Variants in SCML1 observed in about 807,000 individuals in gnomAD.
The protein encoded by SCML1 is sex comb on midleg-like protein 1.
For synonymous variants in SCML1, 104 were observed against 103.6 expected (o/e 1.00, Z -0.02); for missense variants, 137 against 258.1 (o/e 0.53, Z 3.22).
chrX:17,749,677 T>C, intron 5 of SCML1, 173 bp downstream of exon 5: 3 of 499,473 alleles, frequency 6.0e-6, no homozygotes, highest in Non-Finnish European at 9.8e-6. Context: ...AAGTTTAGGT[T>C]TGATAATTTA....
rs1407557624 is a variant in SCML1, at chrX:17,754,276, T to G, written c.*884T>G. 1 of 112,349 alleles carries G rather than the reference T, an allele frequency of 8.9e-6. No homozygotes were observed. Among genetic ancestry groups the G allele is most frequent in the African/African-American group, 3.2e-5 (1 of 30,990 alleles). The allele number at this position is 112,349 out of a possible 1,213,427, so 9.3% of individuals were successfully genotyped here. ...TTATATTTTATTCTCACCCGAAGTA[T>G]TCACACAATCTTTTTAAAAAAAATT... On this transcript the variant is annotated 3_prime_UTR_variant, in exon 8 of 8. Coordinates refer to ENST00000380041, the MANE Select transcript of SCML1 (RefSeq NM_001037540.3).
chrX:17,743,092 A>C (rs891532097), intron 1 of SCML1, among the ~76,000 whole-genome samples: 2 of 112,250 alleles, frequency 1.8e-5, no homozygotes, highest in African/African-American at 6.5e-5. Context: ...AAACTCAAAT[A>C]GTTTAAAAAG....
Position 17,753,566 on chromosome X carries a change from A to T in SCML1, c.*174A>T. The T allele has an allele frequency of 3.4e-6, 1 of 298,344 alleles. No individual in the cohort carries two copies. 24.6% of individuals were successfully genotyped at this position (298,344 alleles called of 1,213,427 possible). ...TATAGTCCAGTCTACTTCTTTAAAA[A>T]CCATTTAAACTGCTAGATAGTATTA... On this transcript the variant is annotated 3_prime_UTR_variant, in exon 8 of 8. Transcript: ENST00000380041.
chrX:17,753,569 A>G lies in SCML1; in HGVS notation c.*177A>G, dbSNP rs2066735266. 1.0e-5 allele frequency: 3 copies of G among 295,192 alleles called. No individual in the cohort carries two copies. In the East Asian group the frequency reaches 1.5e-4, roughly 15 times the overall value. The allele number at this position is 295,192 out of a possible 1,213,427, so 24.3% of individuals were successfully genotyped here. ...AGTCCAGTCTACTTCTTTAAAAACCATTTAAACTGCTAGATAGTATTAGAA... is the reference window on the plus strand; with the variant it reads ...AGTCCAGTCTACTTCTTTAAAAACCGTTTAAACTGCTAGATAGTATTAGAA... On this transcript the variant is annotated 3_prime_UTR_variant, in exon 8 of 8. Coordinates refer to ENST00000380041, the MANE Select transcript of SCML1 (RefSeq NM_001037540.3).
Position 17,751,852 on chromosome X carries a change from G to T in SCML1, c.741G>T (p.Glu247Asp). Reference protein sequence around the residue: ...RSPVENDGYIEEGSITKHPST... With the variant: ...RSPVENDGYIDEGSITKHPST... ...CAGTTGAAAATGACGGTTACATAGA[G>T]GAAGGAAGCATCACTAAGCACCCTT... The change falls in exon 7 of 8, where the codon GAG (glutamate) becomes GAT (aspartate). Residue 247 changes from glutamate to aspartate, a missense_variant. Glu to Asp is a conservative substitution (Grantham distance 45). Transcript: ENST00000380041. 2 of 1,210,743 alleles carry T rather than the reference G, an allele frequency of 1.7e-6. No homozygotes were observed. Among genetic ancestry groups the T allele is most frequent in the Non-Finnish European group, 2.2e-6 (2 of 894,753 alleles).
chrX:17,751,745 T>C, intron 6 of SCML1, 70 bp from the exon 7 acceptor site: 1 of 1,079,273 alleles, frequency 9.3e-7, no homozygotes, highest in African/African-American at 1.8e-5. Flanking sequence ...ACCTAACATC[T>C]CTTCTTTCAG....
intron 1 of SCML1, among the ~76,000 whole-genome samples, chrX:17,739,848 CAAAAAAAAAAAA>C (rs747850155): frequency 6.1e-5 from 2 of 32,876 alleles, no homozygotes; most frequent in Non-Finnish European, 1.1e-4. Flanking sequence ...GACTCTGTCT[CAAAAAAAAAAAA>C]AAAAAAAAAA....
chrX:17,740,201 C>T (rs185076502), intron 1 of SCML1, among the ~76,000 whole-genome samples: 111 of 111,700 alleles, frequency 9.9e-4, no homozygotes, highest in African/African-American at 3.0e-3. Flanking sequence ...TAAAGTGAAA[C>T]GGCAAATTTG....
chrX:17,747,810 G>A (rs1156443151), intron 4 of SCML1, among the ~76,000 whole-genome samples: 2 of 111,979 alleles, frequency 1.8e-5, no homozygotes, highest in African/African-American at 6.5e-5. Context: ...TCTCGTCCTC[G>A]AGAGAACCCT....
chrX:17,745,801 A>C (rs1171046239), intron 3 of SCML1: 1 of 329,466 alleles, frequency 3.0e-6, no homozygotes, highest in African/African-American at 2.7e-5. Context: ...GATATAATAA[A>C]TTCTTTTCTT....
At position 17,749,886 on chromosome X, in the gene SCML1, G is replaced by A. The variant is rs2066689584; in HGVS notation, c.304-8G>A. On this transcript the variant is annotated splice_region_variant and splice_polypyrimidine_tract_variant and intron_variant, in intron 5 of 7. Transcript: ENST00000380041. ...CTGTTGGTTTATGCTGTGTTTGTGT[G>A]ATTTCAGAAGCGATATGGATATAAA... 8.4e-7 allele frequency: 1 copy of A among 1,194,789 alleles called. No individual in the cohort carries two copies. Among genetic ancestry groups the A allele is most frequent in the African/African-American group, 1.8e-5 (1 of 56,943 alleles).
chrX:17,745,972 G>T, intron 3 of SCML1, 46 bp from the exon 4 acceptor site: 1 of 822,606 alleles, frequency 1.2e-6, no homozygotes, highest in Non-Finnish European at 1.8e-6. Flanking sequence ...TGTTCAGTTT[G>T]GCTGTTACAG....
In SCML1 at chrX:17,744,064, T is replaced by C; in HGVS notation, c.-116-7T>C. On this transcript the variant is annotated splice_region_variant and splice_polypyrimidine_tract_variant and intron_variant, in intron 1 of 7. Coordinates refer to ENST00000380041, the MANE Select transcript of SCML1 (RefSeq NM_001037540.3). Reference sequence around the variant, plus strand: ...ATGAAGTAACTTTTTTATGCGTTGCTTTTCAGGAGTAGAGGTTTACCACTC... The same window carrying C: ...ATGAAGTAACTTTTTTATGCGTTGCCTTTCAGGAGTAGAGGTTTACCACTC... 1.8e-6 allele frequency: 1 copy of C among 546,572 alleles called. No homozygotes were observed. Among genetic ancestry groups the C allele is most frequent in the Non-Finnish European group, 3.1e-6 (1 of 326,642 alleles). 45.0% of individuals were successfully genotyped at this position (546,572 alleles called of 1,213,427 possible).
At chrX:17,744,912 T>C (rs2066630063) in intron 2 of SCML1, 2 of 112,267 alleles carry the variant, frequency 1.8e-5, no homozygotes, top group Non-Finnish European at 3.8e-5. Flanking sequence ...CAAGTATGTT[T>C]ATTATAAAAT....
chrX:17,751,005 CTT>C (rs2066702671), intron 6 of SCML1, among the ~76,000 whole-genome samples: 2 of 112,582 alleles, frequency 1.8e-5, no homozygotes. Context: ...ATAGCTAAAA[CTT>C]TCTGAAGTAT....
chrX:17,742,542 C>G (rs2066605599), intron 1 of SCML1, among the ~76,000 whole-genome samples: 1 of 112,069 alleles, frequency 8.9e-6, no homozygotes, highest in African/African-American at 3.2e-5. Context: ...GCAGGACCAG[C>G]AGGATACTAC....
rs1003261985 is a variant in SCML1 at position 17,751,837 on chromosome X, T to C, written c.726T>C (p.Asn242=). The C allele has an allele frequency of 2.3e-5, 28 of 1,208,625 alleles. No individual in the cohort carries two copies. The highest frequency in any genetic ancestry group is 2.9e-5 in the Non-Finnish European group (26 of 894,622). The change falls in exon 7 of 8, where the codon AAT becomes AAC. Residue 242 remains asparagine (N), a synonymous_variant. Transcript: ENST00000380041. ...AAGTTACAAGGTCACCAGTTGAAAA[T>C]GACGGTTACATAGAGGAAGGAAGCA... ...PPSVTRSPVE[N]DGYIEEGSIT...
chrX:17,745,325 G>A, intron 2 of SCML1, 131 bp from the exon 3 acceptor site: 1 of 458,797 alleles, frequency 2.2e-6, no homozygotes, highest in Non-Finnish European at 3.9e-6. Flanking sequence ...AGTATTTACA[G>A]TGAGCAAAGG....
At chrX:17,744,273 T>G (rs1363873746) in intron 2 of SCML1, 54 bp downstream of exon 2, 3 of 984,866 alleles carry the variant, frequency 3.0e-6, no homozygotes, top group Non-Finnish European at 4.3e-6. Context: ...GCTATACTTC[T>G]ACTCTAAATT....
Sources: allele counts gnomAD v4.1 joint callset (sites outside exome capture counted in the v4.1 genomes callset), GRCh38; gene constraint gnomAD v4.1.1; transcripts MANE v1.5; gene names NCBI Gene and HGNC (gene_info 2026-07-23, HGNC 2026-07-21).